The following SPRING1 variants were observed in gnomAD, a reference collection of about 807,000 sequenced individuals.
SPRING1 encodes the protein SREBP regulating gene protein.
A neutral mutation model predicts 24.7 loss-of-function variants in SPRING1; 14 were observed. The observed-to-expected ratio is 0.57, with a 90% CI of 0.37 to 0.88. The LOEUF (loss-of-function observed/expected upper bound fraction) is 0.88, where lower values mean the gene tolerates loss of function less well. Ranked by LOEUF, SPRING1 falls within the 40% of genes least tolerant of loss-of-function variation. The pLI is 0.00. For missense variants in SPRING1, 255 were observed against 268.4 expected, an observed-to-expected ratio of 0.95 and a Z score of 0.35; for synonymous variants, 93 against 106.1, an observed-to-expected ratio of 0.88 and a Z score of 0.76.
rs2137025434 is a variant in SPRING1, at chr12:116,714,780, GC to G, written c.*3029del. The G allele has an allele frequency of 8.5e-6, 1 of 117,948 alleles. No homozygotes were observed. The highest frequency in any genetic ancestry group is 1.1e-4 in the Admixed American group (1 of 9,368). The allele number at this position is 117,948 out of a possible 1,614,324, so 7.3% of individuals were successfully genotyped here. Reference sequence around the variant, plus strand: ...ATTGCACTCCAGCCTGAGCAACAGAGCAAGACTCCATCGCAAAAAAAAAAAA... The same window carrying G: ...ATTGCACTCCAGCCTGAGCAACAGAGAAGACTCCATCGCAAAAAAAAAAAA... On this transcript the variant is annotated 3_prime_UTR_variant, in exon 5 of 5. Coordinates refer to ENST00000261318, the MANE Select transcript of SPRING1 (RefSeq NM_024738.4).
intron 1 of SPRING1, among the ~76,000 whole-genome samples, chr12:116,735,360 G>A (rs955354760): frequency 1.6e-4 from 25 of 152,196 alleles, no homozygotes; most frequent in African/African-American, 5.3e-4. Flanking sequence ...TTCTACAAGC[G>A]TTATGGGGAT....
Position 116,737,963 on chromosome 12 carries a change from GGCATGGCCCCTACGCGCCCGGCA to G in SPRING1, c.-86_-64del. On this transcript the variant is annotated 5_prime_UTR_variant, in exon 1 of 5. An upstream start codon of the reference 5' UTR is lost. Transcript: ENST00000261318. ...AACGCGGCAGGCCCGGGTCCCGGGC[GGCATGGCCCCTACGCGCCCGGCA>G]GCCCCATCCCTCCAGGCAGGCGCCG... 1 of 1,266,238 alleles carries G rather than the reference GGCATGGCCCCTACGCGCCCGGCA, an allele frequency of 7.9e-7. No individual in the cohort carries two copies. 78.4% of individuals were successfully genotyped at this position (1,266,238 alleles called of 1,614,324 possible).
intron 1 of SPRING1, among the ~76,000 whole-genome samples, chr12:116,724,536 G>C (rs932676998): frequency 6.6e-6 from 1 of 152,002 alleles, no homozygotes; most frequent in African/African-American, 2.4e-5. Flanking sequence ...GGCCAACATG[G>C]TGAAACCCCA....
Position 116,720,182 on chromosome 12 carries a change from G to T in SPRING1, c.420+114C>A. The T allele has an allele frequency of 1.5e-6, 2 of 1,332,656 alleles. No homozygotes were observed. The highest frequency in any genetic ancestry group is 1.6e-5 in the South Asian group (1 of 61,970). The allele number at this position is 1,332,656 out of a possible 1,614,324, so 82.6% of individuals were successfully genotyped here. A position where few individuals can be genotyped will look rare whatever the true frequency, so the allele number is the denominator to read the frequency against. Reference sequence around the variant, plus strand: ...TGCAGCAATTTCTGACACCTACAAAGCTCCTTTCTAAGTTTTATTTTCAGA... The same window carrying T: ...TGCAGCAATTTCTGACACCTACAAATCTCCTTTCTAAGTTTTATTTTCAGA... On this transcript the variant is annotated intron_variant, in intron 3 of 4. Transcript: ENST00000261318. The surrounding 1 kb of genome is among the most constrained non-coding windows in gnomAD (Gnocchi z 4.0).
intron 1 of SPRING1, among the ~76,000 whole-genome samples, chr12:116,725,262 T>A (rs1338153248): frequency 1.2e-4 from 19 of 152,156 alleles, no homozygotes; most frequent in African/African-American, 4.3e-4. Context: ...CGCCATCCCA[T>A]TCCGTCCCGC....
rs1490783606 is a variant in SPRING1, at chr12:116,717,288, A to G, written c.*522T>C. On this transcript the variant is annotated 3_prime_UTR_variant, in exon 5 of 5. Transcript: ENST00000261318. The surrounding 1 kb of genome is among the most constrained non-coding windows in gnomAD (Gnocchi z 4.2). ...AGAGAAAATGTTGTATCTGGGTGGA[A>G]GAATGATTTAACTCCTGAAACTCGA... 6.6e-6 allele frequency: 1 copy of G among 152,326 alleles called. No individual in the cohort carries two copies. The highest frequency in any genetic ancestry group is 1.5e-5 in the Non-Finnish European group (1 of 68,106). The allele number at this position is 152,326 out of a possible 1,614,324, so 9.4% of individuals were successfully genotyped here. A position where few individuals can be genotyped will look rare whatever the true frequency, so the allele number is the denominator to read the frequency against.
Position 116,711,295 on chromosome 12 carries a change from A to C in SPRING1, c.*6515T>G, listed in dbSNP as rs1869862807. On this transcript the variant is annotated 3_prime_UTR_variant, in exon 5 of 5. Coordinates refer to ENST00000261318, the MANE Select transcript of SPRING1 (RefSeq NM_024738.4). The stretch of plus-strand genomic sequence containing the variant: ...ACTCCTGTAATCCCAGCACTTTGGG[A>C]GGCCGAGGTGGGCGGATCACGAGGT... The C allele has an allele frequency of 6.6e-6, 1 of 152,216 alleles. No homozygotes were observed. Among genetic ancestry groups the C allele is most frequent in the African/African-American group, 2.4e-5 (1 of 41,406 alleles). The allele number at this position is 152,216 out of a possible 1,614,324, so 9.4% of individuals were successfully genotyped here.
At chr12:116,719,951 A>T in intron 3 of SPRING1, 75 bp from the exon 4 acceptor site, 1 of 1,254,598 alleles carries the variant, frequency 8.0e-7, no homozygotes, top group Non-Finnish European at 1.2e-6. Context: ...TCTCTCCTAA[A>T]CTAAGAGAAT....
In SPRING1 at chr12:116,720,233, C is replaced by T; in HGVS notation, c.420+63G>A. ...GGAATCTCACATGAAGAGCCTAATGCTCATCATAAAACAGAGGCCGAAAGA... is the reference window on the plus strand; with the variant it reads ...GGAATCTCACATGAAGAGCCTAATGTTCATCATAAAACAGAGGCCGAAAGA... On this transcript the variant is annotated intron_variant, in intron 3 of 4. Coordinates refer to ENST00000261318, the MANE Select transcript of SPRING1 (RefSeq NM_024738.4). This position sits in a 1 kb window ranked among gnomAD's most constrained non-coding sequence, Gnocchi z 4.0. 1.3e-6 allele frequency: 2 copies of T among 1,525,012 alleles called. No homozygotes were observed. Among genetic ancestry groups the T allele is most frequent in the African/African-American group, 1.4e-5 (1 of 71,792 alleles). 94.5% of individuals were successfully genotyped at this position (1,525,012 alleles called of 1,614,324 possible).
intron 1 of SPRING1, among the ~76,000 whole-genome samples, chr12:116,733,423 C>G (rs1490837376): frequency 6.8e-6 from 1 of 146,516 alleles, no homozygotes; most frequent in African/African-American, 2.7e-5. Context: ...ACCTCATGAT[C>G]TGCCCACCTC....
In SPRING1 at chr12:116,713,342, G is replaced by GA; in HGVS notation, c.*4467_*4468insT. 1 of 152,322 alleles carries GA rather than the reference G, an allele frequency of 6.6e-6. No homozygotes were observed. Among genetic ancestry groups the GA allele is most frequent in the East Asian group, 1.9e-4 (1 of 5,188 alleles). The allele number at this position is 152,322 out of a possible 1,614,324, so 9.4% of individuals were successfully genotyped here. ...GGCTGCTTTCATATAAAAATGTACT[G>GA]TAGTAATCAGTAAGAAAAAGAAACA... On this transcript the variant is annotated 3_prime_UTR_variant, in exon 5 of 5. Transcript: ENST00000261318.
chr12:116,737,902 C>A lies in SPRING1; in HGVS notation c.-2G>T. On this transcript the variant is annotated 5_prime_UTR_variant, in exon 1 of 5. Transcript: ENST00000261318. ...CACCATGGCCGCCAGGTTCACCATC[C>A]CGGCGCGGACGTGGGGCGCGGCGGC... 6.4e-7 allele frequency: 1 copy of A among 1,551,936 alleles called. No homozygotes were observed. Among genetic ancestry groups the A allele is most frequent in the Non-Finnish European group, 8.7e-7 (1 of 1,150,588 alleles).
intron 1 of SPRING1, among the ~76,000 whole-genome samples, chr12:116,733,816 G>C (rs970437473): frequency 6.6e-6 from 1 of 152,146 alleles, no homozygotes; most frequent in African/African-American, 2.4e-5. Flanking sequence ...TGACTCATCC[G>C]CAACAACTTC....
chr12:116,736,086 G>A (rs1031485361), intron 1 of SPRING1, among the ~76,000 whole-genome samples: 9 of 119,190 alleles, frequency 7.6e-5, no homozygotes, highest in African/African-American at 2.2e-4. Context: ...ATTTTATGTC[G>A]TATTTTACCA....
Position 116,728,647 on chromosome 12 carries a change from G to A in SPRING1, c.112-5424C>T, listed in dbSNP as rs1449758633. 2.0e-5 allele frequency among the ~76,000 whole-genome samples: 3 copies of A among 152,208 alleles called. No individual in the cohort carries two copies. Among genetic ancestry groups the A allele is most frequent in the African/African-American group, 2.4e-5 (1 of 41,458 alleles). On this transcript the variant is annotated intron_variant, in intron 1 of 4. Transcript: ENST00000261318. The surrounding 1 kb of genome is among the most constrained non-coding windows in gnomAD (Gnocchi z 4.2). ...CATGAGTTTCCAGTCTCACCGCAGCGGAGCTAAGGTGCACGGGGAGCTTCA... is the reference window on the plus strand; with the variant it reads ...CATGAGTTTCCAGTCTCACCGCAGCAGAGCTAAGGTGCACGGGGAGCTTCA...
intron 1 of SPRING1, among the ~76,000 whole-genome samples, chr12:116,723,963 C>T (rs1870562072): frequency 1.3e-5 from 2 of 152,106 alleles, no homozygotes; most frequent in African/African-American, 2.4e-5. Context: ...CTTTTCTATA[C>T]TGTTTTCTAT....
chr12:116,713,538 A>C lies in SPRING1; in HGVS notation c.*4272T>G, dbSNP rs1433412407. On this transcript the variant is annotated 3_prime_UTR_variant, in exon 5 of 5. Transcript: ENST00000261318. ...CACAGGGTTACCAGGGGTATGACAA[A>C]AATGGACACTTCCATACACACTAGG... 2 of 152,250 alleles carry C rather than the reference A, an allele frequency of 1.3e-5. No individual in the cohort carries two copies. Among genetic ancestry groups the C allele is most frequent in the Non-Finnish European group, 2.9e-5 (2 of 68,048 alleles). The allele number at this position is 152,250 out of a possible 1,614,324, so 9.4% of individuals were successfully genotyped here.
chr12:116,722,818 G>A (rs566268753), intron 2 of SPRING1, among the ~76,000 whole-genome samples: 2 of 152,324 alleles, frequency 1.3e-5, no homozygotes, highest in African/African-American at 4.8e-5. Context: ...GCGTGACACA[G>A]TGCTCATGTT....
Position 116,720,333 on chromosome 12 carries a change from T to A in SPRING1, c.383A>T (p.Tyr128Phe). ...CAGGCAGCAGGAGACACAGTACTCA[T>A]AGGCGCTGCAGCAGCCGTTGGGCCA... ...GCWPNGCCSAYEYCVSCCLQP... is the reference protein window; with the variant it reads ...GCWPNGCCSAFEYCVSCCLQP... Residue 128 changes from tyrosine (Y) to phenylalanine (F), a missense_variant, in exon 3 of 5, where the codon TAT becomes TTT. Coordinates refer to ENST00000261318, the MANE Select transcript of SPRING1 (RefSeq NM_024738.4). This position sits in a 1 kb window ranked among gnomAD's most constrained non-coding sequence, Gnocchi z 4.0. 1 of 1,614,150 alleles carries A rather than the reference T, an allele frequency of 6.2e-7. No homozygotes were observed. The highest frequency in any genetic ancestry group is 8.5e-7 in the Non-Finnish European group (1 of 1,180,002).
Sources: allele counts gnomAD v4.1 joint callset (sites outside exome capture counted in the v4.1 genomes callset), GRCh38; gene constraint gnomAD v4.1.1; non-coding constraint Gnocchi (gnomAD v3.1); transcripts MANE v1.5; gene names NCBI Gene and HGNC (gene_info 2026-07-23, HGNC 2026-07-21).